ASIC5: variants seen among roughly 807,000 people sequenced by gnomAD.
The protein encoded by ASIC5 is bile acid-sensitive ion channel.
A neutral mutation model predicts 51.2 loss-of-function variants in ASIC5; 52 were observed. That is an observed-to-expected ratio of 1.02 (90% CI 0.81 to 1.28). ASIC5 has a LOEUF of 1.28. Ranked by LOEUF, ASIC5 falls within the 50% of genes most tolerant of loss-of-function variation. The probability of loss-of-function intolerance (pLI) is 0.00; values close to 1 mark genes in which losing one functional copy is unlikely to be tolerated. For synonymous variants in ASIC5, 231 were observed against 200.7 expected (o/e 1.15, Z -1.28); for missense variants, 635 against 595.0 (o/e 1.07, Z -0.70).
Position 155,836,745 on chromosome 4 carries a change from A to G in ASIC5, c.1179T>C (p.Ser393=). 6.2e-7 allele frequency: 1 copy of G among 1,611,582 alleles called. No individual in the cohort carries two copies. Among genetic ancestry groups the G allele is most frequent in the East Asian group, 2.2e-5 (1 of 44,802 alleles). The change falls in exon 8 of 10, where the codon AGT becomes AGC. Residue 393 remains serine (S), a synonymous_variant. Transcript: ENST00000537611. ...TGGAAAGATATTTCAAAGCTTTTTGACTTGGAAAAGAGGAATAAGAAATAG... is the reference window on the plus strand; with the variant it reads ...TGGAAAGATATTTCAAAGCTTTTTGGCTTGGAAAAGAGGAATAAGAAATAG... ...PATISYSSFP[S]QKALKYLSKK... is the part of the protein sequence containing the mutation.
chr4:155,852,269 A>G lies in ASIC5; in HGVS notation c.633T>C (p.Asn211=), dbSNP rs137858552. 3.8e-5 allele frequency: 61 copies of G among 1,598,830 alleles called. No homozygotes were observed. The highest frequency in any genetic ancestry group is 5.0e-5 in the Non-Finnish European group (59 of 1,174,826). Residue 211 remains asparagine (N), a synonymous_variant, in exon 4 of 10, where the codon AAT becomes AAC. Coordinates refer to ENST00000537611, the MANE Select transcript of ASIC5 (RefSeq NM_017419.3). The stretch of plus-strand genomic sequence containing the variant: ...TCTTTGCTTGGAGAGTTTCACCATG[A>G]TTAAAAGTAAAACAATTTCCATATT... The part of the protein sequence containing the change: ...FTEYGNCFTF[N]HGETLQAKRK...
rs1436568942 is a variant in ASIC5 at position 155,863,628 on chromosome 4, T to C, written c.167A>G (p.Asn56Ser). 21 of 1,613,734 alleles carry C rather than the reference T, an allele frequency of 1.3e-5. No individual in the cohort carries two copies. The Admixed American group carries it at 3.0e-4, about 23-fold the overall frequency. Reference protein sequence around the residue: ...SFHGIHNIVQNRSKIRRVLWL... With the variant: ...SFHGIHNIVQSRSKIRRVLWL... ...GAGCACCCTGCGAATTTTGCTCCGG[T>C]TCTGAACAATATTGTGTATCCCATG... Residue 56 changes from asparagine (N) to serine (S), a missense_variant, in exon 2 of 10, where the codon AAC (asparagine) becomes AGC (serine). Transcript: ENST00000537611.
intron 9 of ASIC5, among the ~76,000 whole-genome samples, chr4:155,831,256 G>T (rs914514450): frequency 2.6e-5 from 4 of 152,062 alleles, no homozygotes; most frequent in African/African-American, 2.4e-5. Context: ...ACTTGATGAG[G>T]GATCTAATGG....
At chr4:155,857,494 T>A in intron 2 of ASIC5, among the ~76,000 whole-genome samples, 1 of 152,220 alleles carries the variant, frequency 6.6e-6, no homozygotes, top group African/African-American at 2.4e-5. Context: ...TTAGCTAGAA[T>A]TTGACTTACT....
intron 6 of ASIC5, among the ~76,000 whole-genome samples, chr4:155,839,713 A>G (rs1167320334): frequency 4.7e-5 from 7 of 149,590 alleles, no homozygotes; most frequent in African/African-American, 1.5e-4. Flanking sequence ...TGAATAAAAT[A>G]CAATAAGTAA....
chr4:155,833,012 C>T (rs1433307327), intron 8 of ASIC5, among the ~76,000 whole-genome samples: 2 of 152,170 alleles, frequency 1.3e-5, no homozygotes, highest in African/African-American at 2.4e-5. Context: ...TCTCACAGCA[C>T]TTAATGCCAT....
intron 2 of ASIC5, among the ~76,000 whole-genome samples, chr4:155,856,741 G>C (rs769412465): frequency 1.3e-5 from 2 of 152,020 alleles, no homozygotes; most frequent in Non-Finnish European, 1.5e-5. Flanking sequence ...AGCTACTTCA[G>C]GTTTCCAACT....
At position 155,863,641 on chromosome 4, in the gene ASIC5, T is replaced by A. The variant is rs1413366405; in HGVS notation, c.154A>T (p.Asn52Tyr). The change falls in exon 2 of 10, where the codon AAT (asparagine) becomes TAT (tyrosine). Residue 52 changes from asparagine (N) to tyrosine (Y), a missense_variant. Asn to Tyr is a moderately radical substitution (Grantham distance 143). Coordinates refer to ENST00000537611, the MANE Select transcript of ASIC5 (RefSeq NM_017419.3). ...AISTSFHGIHNIVQNRSKIRR... is the reference protein window; with the variant it reads ...AISTSFHGIHYIVQNRSKIRR... ...ATTTTGCTCCGGTTCTGAACAATAT[T>A]GTGTATCCCATGAAAGGAAGTGGAG... The A allele has an allele frequency of 1.2e-6, 2 of 1,613,728 alleles. No individual in the cohort carries two copies. Among genetic ancestry groups the A allele is most frequent in the Non-Finnish European group, 1.7e-6 (2 of 1,179,934 alleles).
At chr4:155,843,873 T>C in intron 4 of ASIC5, 43 bp from the exon 5 acceptor site, 1 of 1,597,352 alleles carries the variant, frequency 6.3e-7, no homozygotes, top group Non-Finnish European at 8.6e-7. Flanking sequence ...AAATTGACTA[T>C]ATCAGTTCTA....
chr4:155,844,852 T>A (rs1353987306), intron 4 of ASIC5, among the ~76,000 whole-genome samples: 1 of 152,006 alleles, frequency 6.6e-6, no homozygotes, highest in African/African-American at 2.4e-5. Flanking sequence ...TAGGGTCTAA[T>A]CTCAGCTGGC....
chr4:155,835,801 CTT>C (rs2111227528), intron 8 of ASIC5, among the ~76,000 whole-genome samples: 1 of 152,252 alleles, frequency 6.6e-6, no homozygotes, highest in East Asian at 1.9e-4. Context: ...GTAAAGATCA[CTT>C]TGTTACCTCA....
chr4:155,839,277 G>T (rs1008700414), intron 6 of ASIC5, among the ~76,000 whole-genome samples: 2 of 151,644 alleles, frequency 1.3e-5, no homozygotes, highest in Non-Finnish European at 2.9e-5. Flanking sequence ...AGAGTGGCTT[G>T]CTCAAGACCA....
At chr4:155,855,096 T>C (rs1199215714) in intron 2 of ASIC5, among the ~76,000 whole-genome samples, 1 of 151,948 alleles carries the variant, frequency 6.6e-6, no homozygotes, top group Non-Finnish European at 1.5e-5. Context: ...GCTTAATCCC[T>C]AGAAAAAAAG....
intron 6 of ASIC5, among the ~76,000 whole-genome samples, chr4:155,840,001 T>C (rs1258363800): frequency 6.6e-6 from 1 of 152,170 alleles, no homozygotes; most frequent in African/African-American, 2.4e-5. Context: ...CTTCCGTTTA[T>C]TCATATATCA....
Position 155,836,734 on chromosome 4 carries a change from A to G in ASIC5, c.1190T>C (p.Leu397Ser). ...ATTCAACTTCTTGGAAAGATATTTC[A>G]AAGCTTTTTGACTTGGAAAAGAGGA... ...SYSSFPSQKA[L>S]KYLSKKLNQS... The change falls in exon 8 of 10, where the codon TTG becomes TCG. Residue 397 changes from leucine (L) to serine (S), a missense_variant. Physicochemically the swap from Leu to Ser is moderately radical, Grantham distance 145. Coordinates refer to ENST00000537611, the MANE Select transcript of ASIC5 (RefSeq NM_017419.3). 6.2e-7 allele frequency: 1 copy of G among 1,611,578 alleles called. No homozygotes were observed. Among genetic ancestry groups the G allele is most frequent in the Non-Finnish European group, 8.5e-7 (1 of 1,178,022 alleles).
intron 4 of ASIC5, among the ~76,000 whole-genome samples, chr4:155,848,193 T>C (rs1166766789): frequency 6.6e-6 from 1 of 152,082 alleles, no homozygotes; most frequent in Non-Finnish European, 1.5e-5. Context: ...GTTATCACTT[T>C]GGTTAAATGA....
At chr4:155,844,334 A>C (rs1413949138) in intron 4 of ASIC5, among the ~76,000 whole-genome samples, 1 of 151,442 alleles carries the variant, frequency 6.6e-6, no homozygotes, top group South Asian at 2.1e-4. Flanking sequence ...AACAAAAAAA[A>C]CTCCTTTTTT....
At chr4:155,832,890 C>A (rs1470635527) in intron 8 of ASIC5, among the ~76,000 whole-genome samples, 1 of 152,092 alleles carries the variant, frequency 6.6e-6, no homozygotes, top group Non-Finnish European at 1.5e-5. Context: ...AACTTTAGTG[C>A]ACCCCACTTC....
rs750720381 is a variant in ASIC5, at chr4:155,829,960, A to G, written c.1414T>C (p.Tyr472His). Reference protein sequence around the residue: ...EIIEYLFTNFYWICIFFLLKI... With the variant: ...EIIEYLFTNFHWICIFFLLKI... ...AGCAAAAAGAAAATGCATATCCAGT[A>G]GAAATTGGTGAATAGATATTCAATA... is the stretch of plus-strand genomic sequence containing the variant. Residue 472 changes from tyrosine to histidine, a missense_variant, in exon 10 of 10, where the codon TAC becomes CAC. Tyr to His is a moderately conservative substitution (Grantham distance 83). Coordinates refer to ENST00000537611, the MANE Select transcript of ASIC5 (RefSeq NM_017419.3). The G allele has an allele frequency of 1.9e-6, 3 of 1,605,504 alleles. No homozygotes were observed. The highest frequency in any genetic ancestry group is 1.7e-5 in the Admixed American group (1 of 58,972).
Sources: gnomAD v4.1 joint callset for allele counts (sites outside exome capture counted in the v4.1 genomes callset) on GRCh38, gnomAD v4.1.1 for gene constraint, MANE v1.5 for transcripts, NCBI Gene and HGNC (gene_info 2026-07-23, HGNC 2026-07-21) for gene names.